Variants in LBHD1 observed in about 807,000 individuals in gnomAD.
LBHD1 encodes LBH domain containing 1, also known as LBH domain-containing protein 1.
In LBHD1, 28 loss-of-function variants were observed where a neutral mutation model predicts 31.1. The observed-to-expected ratio is 0.90, with a 90% confidence interval of 0.67 to 1.24. The LOEUF is 1.24. Among genes scored for constraint, LBHD1 ranks in the 50% most tolerant of loss-of-function variants. LBHD1 has a pLI of 0.00. For synonymous variants in LBHD1, 105 were observed against 116.5 expected, an observed-to-expected ratio of 0.90 and a Z score of 0.63; for missense variants, 350 against 323.0, an observed-to-expected ratio of 1.08 and a Z score of -0.64.
rs778053813 is a variant in LBHD1 at position 62,663,293 on chromosome 11, G to A, written c.704C>T (p.Ala235Val). 17 of 1,614,030 alleles carry A rather than the reference G, an allele frequency of 1.1e-5. No individual in the cohort carries two copies. The highest frequency in any genetic ancestry group is 5.0e-5 in the Admixed American group (3 of 59,994). Residue 235 changes from alanine (A) to valine (V), a missense_variant, in exon 6 of 7, where the codon GCG (alanine) becomes GTG (valine). Physicochemically the swap from Ala to Val is moderately conservative, Grantham distance 64 (BLOSUM62 0). Coordinates refer to ENST00000354588, the MANE Select transcript of LBHD1 (RefSeq NM_024099.5). ...TCQHYTVREE[A>V]QKTPPADPAC... is the part of the protein sequence containing the mutation. ...CGGATCTGCTGGAGGAGTTTTCTGC[G>A]CTTCTTCCCTGACAGTGTAATGTTG... is the stretch of plus-strand genomic sequence containing the variant.
In LBHD1 at chr11:62,671,698, C is replaced by A. The variant is rs983422818; in HGVS notation, c.-145G>T. 9 of 1,603,680 alleles carry A rather than the reference C, an allele frequency of 5.6e-6. No homozygotes were observed. The African/African-American group carries it at 9.4e-5, about 17-fold the overall frequency. Reference sequence around the variant, plus strand: ...AGTGAGACCGCGCGGCAACAGCTTGCGGCTGCGGGGAGCTCCCGTGGGCGC... The same window carrying A: ...AGTGAGACCGCGCGGCAACAGCTTGAGGCTGCGGGGAGCTCCCGTGGGCGC... On this transcript the variant is annotated 5_prime_UTR_variant, in exon 1 of 7. Transcript: ENST00000354588.
chr11:62,665,835 A>T (rs754078168), intron 4 of LBHD1: 1 of 1,603,314 alleles, frequency 6.2e-7, no homozygotes, highest in Non-Finnish European at 8.5e-7. Context: ...AGTAGGGTGG[A>T]CGCTTCACAT....
At chr11:62,665,358 C>G in intron 4 of LBHD1, 2 of 881,522 alleles carry the variant, frequency 2.3e-6, no homozygotes, top group South Asian at 1.5e-5. Flanking sequence ...GCTGTAGTAG[C>G]CAGATTGGGC....
At chr11:62,666,086 G>A (rs920561928) in intron 4 of LBHD1, 6 of 1,018,782 alleles carry the variant, frequency 5.9e-6, no homozygotes, top group East Asian at 5.2e-5. Flanking sequence ...GGTGGCTCAC[G>A]GCTGTAATGC....
In LBHD1 at chr11:62,671,106, C is replaced by G. The variant is rs538193608; in HGVS notation, c.-11+458G>C. The G allele has an allele frequency of 2.9e-5, 10 of 346,508 alleles. No individual in the cohort carries two copies. The Admixed American group carries it at 3.3e-4, about 11-fold the overall frequency. 21.5% of individuals were successfully genotyped at this position (346,508 alleles called of 1,614,324 possible). On this transcript the variant is annotated intron_variant, in intron 1 of 6. Coordinates refer to ENST00000354588, the MANE Select transcript of LBHD1 (RefSeq NM_024099.5). ...CAGAGCGAGACCTTGTCTCCAAAAA[C>G]AAACAAAACCACGCCCACACACTAA...
intron 3 of LBHD1, chr11:62,668,418 GTT>G (rs1944875522): frequency 1.4e-5 from 2 of 146,350 alleles, no homozygotes; most frequent in South Asian, 4.4e-4. Context: ...GGAGGCAGAG[GTT>G]GCAGTAAGCC....
At position 62,671,550 on chromosome 11, in the gene LBHD1, C is replaced by G; in HGVS notation, c.-11+14G>C. On this transcript the variant is annotated intron_variant, in intron 1 of 6. Coordinates refer to ENST00000354588, the MANE Select transcript of LBHD1 (RefSeq NM_024099.5). ...GCCAGCACTTCTTGGACACCTCAAC[C>G]CCCTCAGCTAAACCTGAGATCCAAG... The G allele has an allele frequency of 1.4e-6, 2 of 1,426,704 alleles. No individual in the cohort carries two copies. Among genetic ancestry groups the G allele is most frequent in the Non-Finnish European group, 1.8e-6 (2 of 1,093,292 alleles). The allele number at this position is 1,426,704 out of a possible 1,614,324, so 88.4% of individuals were successfully genotyped here. A position where few individuals can be genotyped will look rare whatever the true frequency, so the allele number is the denominator to read the frequency against.
intron 4 of LBHD1, chr11:62,665,214 G>T (rs1241584599): frequency 2.5e-6 from 2 of 788,558 alleles, no homozygotes; most frequent in Non-Finnish European, 4.3e-6. Context: ...TCCGCTCAGC[G>T]CCGGATCCGC....
At chr11:62,665,045 C>G (rs929691921) in intron 4 of LBHD1, 72 bp from the exon 5 acceptor site, 12 of 1,592,470 alleles carry the variant, frequency 7.5e-6, no homozygotes, top group Non-Finnish European at 9.4e-6. Flanking sequence ...CCAGGCAGCC[C>G]CGGCCCCTCA....
Position 62,672,175 on chromosome 11 carries a change from T to C in LBHD1, c.-622A>G. The C allele has an allele frequency of 6.7e-7, 1 of 1,499,966 alleles. No homozygotes were observed. Among genetic ancestry groups the C allele is most frequent in the Non-Finnish European group, 9.0e-7 (1 of 1,116,832 alleles). 92.9% of individuals were successfully genotyped at this position (1,499,966 alleles called of 1,614,324 possible). A position where few individuals can be genotyped will look rare whatever the true frequency, so the allele number is the denominator to read the frequency against. ...TTGGGCGCAGGAATCCGAGGCAGCCTTTCTCCTTCGTGGGCCCAGCGGAGA... is the reference window on the plus strand; with the variant it reads ...TTGGGCGCAGGAATCCGAGGCAGCCCTTCTCCTTCGTGGGCCCAGCGGAGA... On this transcript the variant is annotated 5_prime_UTR_variant, in exon 1 of 7. Coordinates refer to ENST00000354588, the MANE Select transcript of LBHD1 (RefSeq NM_024099.5).
chr11:62,667,133 CAA>C, intron 4 of LBHD1: 1 of 1,410,382 alleles, frequency 7.1e-7, no homozygotes, highest in Non-Finnish European at 9.6e-7. Context: ...TATCTGGCTG[CAA>C]AGTGAGAATT....
rs763430769 is a variant in LBHD1, at chr11:62,667,437, C to T, written c.538+86G>A. 2.1e-6 allele frequency: 3 copies of T among 1,401,648 alleles called. No homozygotes were observed. In the East Asian group the frequency reaches 6.9e-5, roughly 32 times the overall value. 86.8% of individuals were successfully genotyped at this position (1,401,648 alleles called of 1,614,324 possible). On this transcript the variant is annotated intron_variant, in intron 4 of 6. Transcript: ENST00000354588. ...TAACCTGTAAGCCTCATTTTTGTCA[C>T]CTGTAAAAGGAGATTGTAAGAGGAT...
intron 4 of LBHD1, chr11:62,666,207 G>A: frequency 1.4e-6 from 1 of 724,776 alleles, no homozygotes; most frequent in South Asian, 1.7e-5. Flanking sequence ...GGGCACGATG[G>A]CGCCTATAGT....
At chr11:62,665,234 C>A in intron 4 of LBHD1, 1 of 769,450 alleles carries the variant, frequency 1.3e-6, no homozygotes, top group African/African-American at 1.7e-5. Flanking sequence ...CGGGGCTCCG[C>A]CCCGGCCTTC....
chr11:62,663,736 A>G (rs1326791968), intron 5 of LBHD1, among the ~76,000 whole-genome samples: 5 of 151,094 alleles, frequency 3.3e-5, no homozygotes, highest in African/African-American at 4.8e-5. Flanking sequence ...AATATAATAT[A>G]AATAGTAATA....
At chr11:62,666,929 G>C (rs186823453) in intron 4 of LBHD1, 10 of 1,614,102 alleles carry the variant, frequency 6.2e-6, no homozygotes, top group Non-Finnish European at 7.6e-6. Context: ...CTCAGATGAG[G>C]ACCCTGATGT....
At chr11:62,664,249 A>G (rs1054320137) in intron 5 of LBHD1, among the ~76,000 whole-genome samples, 2 of 151,920 alleles carry the variant, frequency 1.3e-5, no homozygotes, top group Non-Finnish European at 2.9e-5. Context: ...GTATGTAAAA[A>G]TAAGTTTACT....
Position 62,669,997 on chromosome 11 carries a change from C to T in LBHD1, c.35G>A (p.Gly12Glu). 3 of 1,613,508 alleles carry T rather than the reference C, an allele frequency of 1.9e-6. No homozygotes were observed. Among genetic ancestry groups the T allele is most frequent in the Non-Finnish European group, 2.5e-6 (3 of 1,179,826 alleles). Residue 12 changes from glycine (G) to glutamate (E), a missense_variant, in exon 2 of 7, where the codon GGG becomes GAG. By Grantham distance (98) the Gly-to-Glu change is moderately conservative. Transcript: ENST00000354588. ...GCCTGGGCTATTTCTAGTCCAAAGCCCATCCTCCTTGCTTCTCCCTGGCAC... is the reference window on the plus strand; with the variant it reads ...GCCTGGGCTATTTCTAGTCCAAAGCTCATCCTCCTTGCTTCTCCCTGGCAC... Reference protein sequence around the residue: ...ALVPGRSKEDGLWTRNSPGSS... With the variant: ...ALVPGRSKEDELWTRNSPGSS...
chr11:62,666,093 A>G, intron 4 of LBHD1: 1 of 971,762 alleles, frequency 1.0e-6, no homozygotes, highest in Non-Finnish European at 1.5e-6. Flanking sequence ...CACGGCTGTA[A>G]TGCTAACACT....
Sources: allele counts gnomAD v4.1 joint callset (sites outside exome capture counted in the v4.1 genomes callset), GRCh38; gene constraint gnomAD v4.1.1; transcripts MANE v1.5; gene names NCBI Gene and HGNC (gene_info 2026-07-23, HGNC 2026-07-21).